Variants in KIF1C observed in about 807,000 individuals in gnomAD.
The protein encoded by KIF1C is kinesin-like protein KIF1C.
In KIF1C, 61 loss-of-function variants were observed where a neutral mutation model predicts 126.5. The observed-to-expected ratio is 0.48, with a 90% CI of 0.39 to 0.60. The LOEUF (loss-of-function observed/expected upper bound fraction) is 0.60. Among genes scored for constraint, KIF1C ranks in the 20% least tolerant of loss-of-function variants. The pLI is 0.00. For missense variants in KIF1C, 1,315 were observed against 1,489.2 expected, an observed-to-expected ratio of 0.88 and a Z score of 1.93; for synonymous variants, 640 against 580.6, an observed-to-expected ratio of 1.10 and a Z score of -1.47.
chr17:5,007,743 ACAGT>A (rs1974769996), intron 16 of KIF1C, among the ~76,000 whole-genome samples: 1 of 152,124 alleles, frequency 6.6e-6, no homozygotes, highest in Non-Finnish European at 1.5e-5. Flanking sequence ...CAGCCATTCA[ACAGT>A]CAGCCTCAGG....
Position 5,026,872 on chromosome 17 carries a change from G to T in KIF1C, c.*2721G>T, listed in dbSNP as rs770076628. On this transcript the variant is annotated 3_prime_UTR_variant, in exon 23 of 23. Coordinates refer to ENST00000320785, the MANE Select transcript of KIF1C (RefSeq NM_006612.6). ...GAATATTAGGGTGGGAGCATCACTT[G>T]AGGCCAGGAATTTGAGACCAGCCTG... is the stretch of plus-strand genomic sequence containing the variant. The T allele has an allele frequency of 2.6e-5, 4 of 151,948 alleles. No individual in the cohort carries two copies. The highest frequency in any genetic ancestry group is 2.6e-4 in the Admixed American group (4 of 15,240). The allele number at this position is 151,948 out of a possible 1,614,324, so 9.4% of individuals were successfully genotyped here. A position where few individuals can be genotyped will look rare whatever the true frequency, so the allele number is the denominator to read the frequency against.
chr17:5,025,308 T>A lies in KIF1C; in HGVS notation c.*1157T>A, dbSNP rs1260163442. Reference sequence around the variant, plus strand: ...GCCAGCCTGTCAATGCTTAACTGGCTGTTGCTGACAGATACAGAAGGATTT... The same window carrying A: ...GCCAGCCTGTCAATGCTTAACTGGCAGTTGCTGACAGATACAGAAGGATTT... On this transcript the variant is annotated 3_prime_UTR_variant, in exon 23 of 23. Coordinates refer to ENST00000320785, the MANE Select transcript of KIF1C (RefSeq NM_006612.6). 1 of 152,316 alleles carries A rather than the reference T, an allele frequency of 6.6e-6. No homozygotes were observed. Among genetic ancestry groups the A allele is most frequent in the Non-Finnish European group, 1.5e-5 (1 of 68,100 alleles). 9.4% of individuals were successfully genotyped at this position (152,316 alleles called of 1,614,324 possible).
intron 16 of KIF1C, among the ~76,000 whole-genome samples, chr17:5,013,059 C>T (rs1974900830): frequency 6.6e-6 from 1 of 152,132 alleles, no homozygotes; most frequent in African/African-American, 2.4e-5. Context: ...AATGAGTCTG[C>T]TTCGAGAAAC....
Position 5,024,421 on chromosome 17 carries a change from G to A in KIF1C, c.*270G>A, listed in dbSNP as rs1975169285. On this transcript the variant is annotated 3_prime_UTR_variant, in exon 23 of 23. Transcript: ENST00000320785. Reference sequence around the variant, plus strand: ...TGCAAAGGGGGTGTGTCCCACAAACGCTGCTATGGGTGGGGTGGGGGGCTG... The same window carrying A: ...TGCAAAGGGGGTGTGTCCCACAAACACTGCTATGGGTGGGGTGGGGGGCTG... The A allele has an allele frequency of 5.2e-6, 2 of 385,084 alleles. No homozygotes were observed. Among genetic ancestry groups the A allele is most frequent in the Non-Finnish European group, 9.3e-6 (2 of 215,106 alleles). The allele number at this position is 385,084 out of a possible 1,614,324, so 23.9% of individuals were successfully genotyped here.
Position 5,003,614 on chromosome 17 carries a change from C to A in KIF1C, c.723C>A (p.Val241=). Residue 241 remains valine, a splice_region_variant and synonymous_variant, in exon 9 of 23, where the codon GTC becomes GTA. Coordinates refer to ENST00000320785, the MANE Select transcript of KIF1C (RefSeq NM_006612.6). ...CTGCCTGTTTCCTCTGACCCCAGGT[C>A]AGTAAGATCAGTTTGGTGGACCTTG... ...DQLTGLDSEK[V]SKISLVDLAG... is the part of the protein sequence containing the mutation. The A allele has an allele frequency of 6.2e-7, 1 of 1,611,720 alleles. No individual in the cohort carries two copies. The highest frequency in any genetic ancestry group is 1.1e-5 in the South Asian group (1 of 90,822).
rs1843503539 is a variant in KIF1C at position 5,024,315 on chromosome 17, G to A, written c.*164G>A. The A allele has an allele frequency of 1.8e-6, 1 of 552,722 alleles. No individual in the cohort carries two copies. Among genetic ancestry groups the A allele is most frequent in the Non-Finnish European group, 3.1e-6 (1 of 318,770 alleles). 34.2% of individuals were successfully genotyped at this position (552,722 alleles called of 1,614,324 possible). A position where few individuals can be genotyped will look rare whatever the true frequency, so the allele number is the denominator to read the frequency against. ...CAAGGGGGAGACCGAGCCGGAGGCT[G>A]AGGAAAGGAAGAGGGCACGGAGTTG... On this transcript the variant is annotated 3_prime_UTR_variant, in exon 23 of 23. Coordinates refer to ENST00000320785, the MANE Select transcript of KIF1C (RefSeq NM_006612.6).
Position 5,022,432 on chromosome 17 carries a change from G to A in KIF1C, c.2351G>A (p.Arg784His), listed in dbSNP as rs774940396. 10 of 1,580,548 alleles carry A rather than the reference G, an allele frequency of 6.3e-6. No individual in the cohort carries two copies. Among genetic ancestry groups the A allele is most frequent in the Non-Finnish European group, 6.0e-6 (7 of 1,162,100 alleles). The stretch of plus-strand genomic sequence containing the variant: ...GCCCTCAAGATGCGGGAGCTGTGTC[G>A]CACCTATGGCAAGCCAGACGGCCCC... Reference protein sequence around the residue: ...LAALKMRELCRTYGKPDGPGD... With the variant: ...LAALKMRELCHTYGKPDGPGD... The change falls in exon 22 of 23, where the codon CGC (arginine) becomes CAC (histidine). Residue 784 changes from arginine to histidine, a missense_variant. By Grantham distance (29) the Arg-to-His change is conservative. Around this residue, in one of 2 missense-constraint regions of KIF1C, gnomAD observed 874 missense variants for 1,053.2 expected, o/e 0.83. Transcript: ENST00000320785. This position sits in a 1 kb window ranked among gnomAD's most constrained non-coding sequence, Gnocchi z 4.9.
intron 13 of KIF1C, 42 bp downstream of exon 13, chr17:5,005,042 C>A: frequency 6.2e-7 from 1 of 1,611,900 alleles, no homozygotes; most frequent in South Asian, 1.1e-5. Context: ...TGCCCCTTGG[C>A]CCACCCCATC....
At chr17:5,019,893 G>A (rs535019544) in intron 18 of KIF1C, 103 bp from the exon 19 acceptor site, 3 of 808,660 alleles carry the variant, frequency 3.7e-6, no homozygotes, top group African/African-American at 3.4e-5. Flanking sequence ...GGGACTGGTG[G>A]TGCATGTGTG....
At chr17:5,000,994 T>TACC in intron 4 of KIF1C, 146 bp downstream of exon 4, 1 of 958,372 alleles carries the variant, frequency 1.0e-6, no homozygotes, top group Non-Finnish European at 1.6e-6. Flanking sequence ...GGTAGGACCC[T>TACC]TAGGCTGTGA....
intron 18 of KIF1C, 66 bp from the exon 19 acceptor site, chr17:5,019,930 A>T (rs752512109): frequency 6.2e-5 from 81 of 1,297,300 alleles, no homozygotes; most frequent in Non-Finnish European, 8.4e-5. Context: ...CAAGGTGGGA[A>T]TCTGTGACCA....
chr17:5,017,221 G>T (rs143146189), intron 18 of KIF1C, among the ~76,000 whole-genome samples: 1 of 151,156 alleles, frequency 6.6e-6, no homozygotes, highest in East Asian at 2.0e-4. Context: ...ATAGGTCACA[G>T]TAAAGGCAGC....
Position 5,023,617 on chromosome 17 carries a change from G to A in KIF1C, c.2778G>A (p.Arg926=). The A allele has an allele frequency of 1.2e-6, 2 of 1,613,588 alleles. No homozygotes were observed. The highest frequency in any genetic ancestry group is 1.7e-6 in the Non-Finnish European group (2 of 1,179,888). Residue 926 remains arginine (R), a synonymous_variant, in exon 23 of 23, where the codon CGG becomes CGA. Coordinates refer to ENST00000320785, the MANE Select transcript of KIF1C (RefSeq NM_006612.6). This position sits in a 1 kb window ranked among gnomAD's most constrained non-coding sequence, Gnocchi z 4.2. ...TGTCAAGCTGGGAGCGGGTGTCACG[G>A]CTCATGGAGGAGGACCCTGCCTTCC... ...PPLSSWERVS[R]LMEEDPAFRR...
At chr17:5,018,703 CAAAAAA>C (rs372234383) in intron 18 of KIF1C, among the ~76,000 whole-genome samples, 1 of 132,990 alleles carries the variant, frequency 7.5e-6, no homozygotes, top group Non-Finnish European at 1.6e-5. Flanking sequence ...AACTCCATCT[CAAAAAA>C]AAAAAAGAAA....
chr17:5,024,471 CTTTCT>C lies in KIF1C; in HGVS notation c.*325_*329del, dbSNP rs953401587. ...GGGGTGCTGCGTAGCCAGTGTTTGACTTTCTTTTCAAGTGGGGGAAAGTGGGAGAG... is the reference window on the plus strand; with the variant it reads ...GGGGTGCTGCGTAGCCAGTGTTTGACTTTCAAGTGGGGGAAAGTGGGAGAG... On this transcript the variant is annotated 3_prime_UTR_variant, in exon 23 of 23. Transcript: ENST00000320785. 1 of 307,156 alleles carries C rather than the reference CTTTCT, an allele frequency of 3.3e-6. No homozygotes were observed. Among genetic ancestry groups the C allele is most frequent in the Non-Finnish European group, 6.0e-6 (1 of 166,308 alleles). 19.0% of individuals were successfully genotyped at this position (307,156 alleles called of 1,614,324 possible).
intron 13 of KIF1C, among the ~76,000 whole-genome samples, chr17:5,006,084 G>A (rs1412355092): frequency 6.7e-6 from 1 of 149,178 alleles, no homozygotes; most frequent in Non-Finnish European, 1.5e-5. Flanking sequence ...GCACGCACCT[G>A]TAATCCCAGC....
intron 18 of KIF1C, among the ~76,000 whole-genome samples, chr17:5,018,470 A>G (rs1248932578): frequency 1.3e-5 from 2 of 151,844 alleles, no homozygotes; most frequent in Admixed American, 6.6e-5. Flanking sequence ...CGGGTGGATC[A>G]CCTGAGGTCA....
At chr17:5,001,003 G>C (rs1974575713) in intron 4 of KIF1C, among the ~76,000 whole-genome samples, 155 bp downstream of exon 4, 2 of 152,058 alleles carry the variant, frequency 1.3e-5, no homozygotes. Flanking sequence ...CTTAGGCTGT[G>C]ATTGAGGCCT....
Position 5,023,390 on chromosome 17 carries a change from G to C in KIF1C, c.2629-78G>C, listed in dbSNP as rs1271342236. The C allele has an allele frequency of 2.4e-6, 3 of 1,237,202 alleles. No individual in the cohort carries two copies. The highest frequency in any genetic ancestry group is 3.5e-6 in the Non-Finnish European group (3 of 868,710). 76.6% of individuals were successfully genotyped at this position (1,237,202 alleles called of 1,614,324 possible). A position where few individuals can be genotyped will look rare whatever the true frequency, so the allele number is the denominator to read the frequency against. ...GACCCTTTGACATCCAGCCACTCCA[G>C]GTCCCTCTTGAATCCACATGTCCTG... On this transcript the variant is annotated intron_variant, in intron 22 of 22. Transcript: ENST00000320785. This position sits in a 1 kb window ranked among gnomAD's most constrained non-coding sequence, Gnocchi z 4.2.
Sources: gnomAD v4.1 joint callset for allele counts (sites outside exome capture counted in the v4.1 genomes callset) on GRCh38, gnomAD v4.1.1 for gene constraint, gnomAD v4.1.1 regional missense constraint, Gnocchi (gnomAD v3.1) non-coding constraint, MANE v1.5 for transcripts, NCBI Gene and HGNC (gene_info 2026-07-23, HGNC 2026-07-21) for gene names.